The following RALGAPA1 variants were observed in gnomAD, a reference collection of about 807,000 sequenced individuals.
RALGAPA1 encodes ral GTPase-activating protein subunit alpha-1.
In RALGAPA1, 52 loss-of-function variants were observed where a neutral mutation model predicts 269.6. That is an observed-to-expected ratio of 0.19 (90% confidence interval 0.15 to 0.24). The LOEUF (loss-of-function observed/expected upper bound fraction) is 0.24. Ranked by LOEUF, RALGAPA1 falls within the 10% of genes least tolerant of loss-of-function variation. RALGAPA1 has a pLI of 1.00. For synonymous variants in RALGAPA1, 817 were observed against 1,008.3 expected, an observed-to-expected ratio of 0.81 and a Z score of 3.60; for missense variants, 1,917 against 3,013.9, an observed-to-expected ratio of 0.64 and a Z score of 8.52.
At chr14:35,616,654 T>C in intron 35 of RALGAPA1, among the ~76,000 whole-genome samples, 1 of 152,198 alleles carries the variant, frequency 6.6e-6, no homozygotes, top group Non-Finnish European at 1.5e-5. Context: ...GGAAACTCTG[T>C]ACTTTCCTAT....
chr14:35,714,766 T>C (rs78263449), intron 16 of RALGAPA1, among the ~76,000 whole-genome samples: 116 of 152,354 alleles, frequency 7.6e-4, no homozygotes, highest in African/African-American at 2.6e-3. Flanking sequence ...TCCTGACATA[T>C]TCTTTTAGAA....
intron 16 of RALGAPA1, among the ~76,000 whole-genome samples, chr14:35,711,975 G>A (rs890089552): frequency 2.0e-5 from 3 of 152,096 alleles, no homozygotes; most frequent in Admixed American, 6.5e-5. Context: ...GGCTGGGCGC[G>A]GTGGCTCACG....
intron 7 of RALGAPA1, among the ~76,000 whole-genome samples, chr14:35,753,383 T>C (rs1329715122): frequency 6.6e-6 from 1 of 152,144 alleles, no homozygotes; most frequent in African/African-American, 2.4e-5. Context: ...AACTCTTGAA[T>C]GTAGAAGTAA....
In RALGAPA1 at chr14:35,539,491, AT is replaced by A. The variant is rs745391407; in HGVS notation, c.*222del. The A allele has an allele frequency of 3.1e-6, 5 of 1,590,186 alleles. No homozygotes were observed. In the Admixed American group the frequency reaches 8.6e-5, roughly 27 times the overall value. On this transcript the variant is annotated 3_prime_UTR_variant, in exon 42 of 42. Transcript: ENST00000680220. ...ATGAAGGCCTGAAAGGGTTAACCCTATGTTCGTGCTAAGGTGGCTACTGCTG... is the reference window on the plus strand; with the variant it reads ...ATGAAGGCCTGAAAGGGTTAACCCTAGTTCGTGCTAAGGTGGCTACTGCTG...
intron 11 of RALGAPA1, among the ~76,000 whole-genome samples, chr14:35,740,378 C>T (rs1197585232): frequency 6.6e-6 from 1 of 152,048 alleles, no homozygotes; most frequent in Non-Finnish European, 1.5e-5. Context: ...TAAAAGATAC[C>T]ACTGGAATTT....
intron 1 of RALGAPA1, among the ~76,000 whole-genome samples, chr14:35,790,612 G>A (rs563573641): frequency 6.6e-6 from 1 of 150,724 alleles, no homozygotes; most frequent in Admixed American, 6.6e-5. Context: ...TGCTTGAACC[G>A]GGGAGGTGGA....
intron 39 of RALGAPA1, among the ~76,000 whole-genome samples, chr14:35,558,000 T>G (rs2055797806): frequency 6.6e-6 from 1 of 152,144 alleles, no homozygotes; most frequent in Non-Finnish European, 1.5e-5. Context: ...TAGATCATTG[T>G]TTCTTTGCAA....
intron 6 of RALGAPA1, among the ~76,000 whole-genome samples, chr14:35,758,909 T>A (rs1050815121): frequency 6.6e-6 from 1 of 151,880 alleles, no homozygotes; most frequent in Non-Finnish European, 1.5e-5. Context: ...ACTTTAGGAG[T>A]TTAAGACCAG....
chr14:35,647,413 A>C (rs1460448301), intron 31 of RALGAPA1, among the ~76,000 whole-genome samples: 1 of 152,242 alleles, frequency 6.6e-6, no homozygotes, highest in Non-Finnish European at 1.5e-5. Flanking sequence ...TGAATATCAT[A>C]CATGAGAAAT....
chr14:35,799,165 T>C (rs2076792901), intron 1 of RALGAPA1, among the ~76,000 whole-genome samples: 1 of 152,184 alleles, frequency 6.6e-6, no homozygotes, highest in South Asian at 2.1e-4. Context: ...AACAAAAGCA[T>C]AAAGGTTGGG....
intron 16 of RALGAPA1, among the ~76,000 whole-genome samples, chr14:35,711,557 C>T (rs2068343332): frequency 6.6e-6 from 1 of 152,208 alleles, no homozygotes; most frequent in Non-Finnish European, 1.5e-5. Flanking sequence ...AAGAGATCCT[C>T]CTACCTCAGC....
intron 37 of RALGAPA1, among the ~76,000 whole-genome samples, chr14:35,592,665 G>A (rs2058709292): frequency 6.6e-6 from 1 of 152,108 alleles, no homozygotes; most frequent in Non-Finnish European, 1.5e-5. Context: ...AGACGAAGTG[G>A]GACTTATCCC....
intron 28 of RALGAPA1, among the ~76,000 whole-genome samples, chr14:35,657,639 C>A (rs1317626766): frequency 6.6e-6 from 1 of 150,916 alleles, no homozygotes; most frequent in African/African-American, 2.4e-5. Flanking sequence ...TAGACAGCTA[C>A]GTTTTAGGCT....
At chr14:35,635,649 T>A (rs1352930151) in intron 31 of RALGAPA1, 51 bp from the exon 32 acceptor site, 1 of 1,414,228 alleles carries the variant, frequency 7.1e-7, no homozygotes, top group Admixed American at 2.7e-5. Context: ...AATATATGCT[T>A]CTTAAAAATT....
At chr14:35,775,854 T>G (rs943679054) in intron 1 of RALGAPA1, 109 bp from the exon 2 acceptor site, 5 of 1,095,732 alleles carry the variant, frequency 4.6e-6, no homozygotes, top group Non-Finnish European at 6.0e-6. Flanking sequence ...CCTAAAATTC[T>G]ATTCTATTAA....
intron 14 of RALGAPA1, among the ~76,000 whole-genome samples, chr14:35,724,715 C>A (rs1050952640): frequency 4.1e-4 from 63 of 152,076 alleles, no homozygotes; most frequent in African/African-American, 1.4e-3. Context: ...CAGGTTTTTG[C>A]AACCACATAT....
chr14:35,561,159 G>T (rs908939761), intron 39 of RALGAPA1, among the ~76,000 whole-genome samples: 1 of 147,248 alleles, frequency 6.8e-6, no homozygotes, highest in African/African-American at 2.5e-5. Flanking sequence ...ACTGGAAAGT[G>T]GAGGTTGCAG....
At chr14:35,653,510 C>G (rs1401471563) in intron 30 of RALGAPA1, among the ~76,000 whole-genome samples, 1 of 152,142 alleles carries the variant, frequency 6.6e-6, no homozygotes, top group Non-Finnish European at 1.5e-5. Context: ...CAAGCAGACT[C>G]AGTTGCCTGA....
At chr14:35,802,403 T>G (rs1454145872) in intron 1 of RALGAPA1, among the ~76,000 whole-genome samples, 1 of 152,084 alleles carries the variant, frequency 6.6e-6, no homozygotes, top group Non-Finnish European at 1.5e-5. Context: ...TGATATGAGA[T>G]CCAATCAGAA....
Sources: allele counts gnomAD v4.1 joint callset (sites outside exome capture counted in the v4.1 genomes callset), GRCh38; gene constraint gnomAD v4.1.1; transcripts MANE v1.5; gene names NCBI Gene and HGNC (gene_info 2026-07-23, HGNC 2026-07-21).